The following CDH13 variants were observed in gnomAD, a reference collection of about 807,000 sequenced individuals.
CDH13 encodes cadherin-13.
In CDH13, 24 loss-of-function variants were observed where a neutral mutation model predicts 63.8. That is an observed-to-expected ratio of 0.38 (90% confidence interval 0.27 to 0.53). CDH13 has a LOEUF of 0.53. Among genes scored for constraint, CDH13 ranks in the 20% least tolerant of loss-of-function variants. The pLI, the probability that CDH13 is intolerant of heterozygous loss-of-function variation, is 0.85. For missense variants in CDH13, 1,049 were observed against 903.1 expected (o/e 1.16, Z -2.07); for synonymous variants, 503 against 355.3 (o/e 1.42, Z -4.67).
At chr16:83,240,433 G>T (rs564100115) in intron 5 of CDH13, among the ~76,000 whole-genome samples, 17 of 152,242 alleles carry the variant, frequency 1.1e-4, no homozygotes, top group Non-Finnish European at 1.5e-4. Flanking sequence ...TTCAGTGGAA[G>T]TGAGGAGCCA....
intron 1 of CDH13, among the ~76,000 whole-genome samples, chr16:82,801,925 G>A (rs1011842443): frequency 2.6e-5 from 4 of 152,190 alleles, no homozygotes; most frequent in Admixed American, 1.3e-4. Flanking sequence ...GTGAAGTGAT[G>A]CAGGAAACTA....
chr16:83,436,659 C>T (rs1406396503), intron 6 of CDH13, among the ~76,000 whole-genome samples: 1 of 152,170 alleles, frequency 6.6e-6, no homozygotes, highest in African/African-American at 2.4e-5. Context: ...AATGCCTATG[C>T]AGCCGTGATG....
At chr16:83,384,442 G>A (rs2091632517) in intron 6 of CDH13, among the ~76,000 whole-genome samples, 1 of 152,214 alleles carries the variant, frequency 6.6e-6, no homozygotes, top group South Asian at 2.1e-4. Context: ...GAACAATAGG[G>A]TCAAGGGTTA....
At chr16:83,440,407 G>C (rs2072446052) in intron 6 of CDH13, among the ~76,000 whole-genome samples, 1 of 152,138 alleles carries the variant, frequency 6.6e-6, no homozygotes, top group Non-Finnish European at 1.5e-5. Context: ...CTTCAGCCTT[G>C]TGCCCCCAAC....
intron 7 of CDH13, among the ~76,000 whole-genome samples, chr16:83,502,626 T>C (rs1256282571): frequency 6.6e-6 from 1 of 152,214 alleles, no homozygotes; most frequent in Non-Finnish European, 1.5e-5. Context: ...CAGTAGCTTT[T>C]GACCTTGAAA....
At chr16:83,602,683 GC>G (rs1385401606) in intron 8 of CDH13, 89 bp downstream of exon 8, 66 of 1,347,370 alleles carry the variant, frequency 4.9e-5, no homozygotes, top group Non-Finnish European at 5.5e-5. Flanking sequence ...GCACCTGCTG[GC>G]CCCCCTTTCA....
intron 3 of CDH13, among the ~76,000 whole-genome samples, chr16:83,092,539 A>G (rs115193630): frequency 0.013 from 2,033 of 152,334 alleles, 44 homozygotes; most frequent in African/African-American, 0.046. Context: ...AAAATATTGC[A>G]AATCAATAGA....
At chr16:83,424,652 A>G (rs2071831729) in intron 6 of CDH13, among the ~76,000 whole-genome samples, 1 of 152,252 alleles carries the variant, frequency 6.6e-6, no homozygotes, top group Non-Finnish European at 1.5e-5. Flanking sequence ...ACACATTTTC[A>G]TAAATGGTTT....
At chr16:83,745,501 C>T (rs1555524155) in intron 10 of CDH13, among the ~76,000 whole-genome samples, 2 of 152,174 alleles carry the variant, frequency 1.3e-5, no homozygotes, top group East Asian at 1.9e-4. Context: ...TGGGAACACT[C>T]GGAGGGGCTC....
At chr16:82,688,673 A>T (rs192627312) in intron 1 of CDH13, among the ~76,000 whole-genome samples, 2 of 152,262 alleles carry the variant, frequency 1.3e-5, no homozygotes, top group African/African-American at 2.4e-5. Flanking sequence ...AGAAATAAAG[A>T]TCCGAGGATG....
At chr16:83,751,450 C>A (rs1251400065) in intron 11 of CDH13, among the ~76,000 whole-genome samples, 2 of 152,100 alleles carry the variant, frequency 1.3e-5, no homozygotes, top group East Asian at 3.9e-4. Flanking sequence ...AAATATACCT[C>A]CCCTCCACAA....
intron 8 of CDH13, among the ~76,000 whole-genome samples, chr16:83,646,269 G>C (rs577263438): frequency 5.3e-5 from 8 of 152,266 alleles, no homozygotes; most frequent in African/African-American, 1.9e-4. Context: ...AGCTCATGAC[G>C]GTAACCTACC....
At chr16:83,723,145 G>C (rs79119376) in intron 10 of CDH13, among the ~76,000 whole-genome samples, 2,052 of 152,340 alleles carry the variant, frequency 0.013, 16 homozygotes, top group Non-Finnish European at 0.024. Context: ...CCTGTCTTAG[G>C]ATGCTGATGT....
chr16:82,755,680 T>G (rs777572046), intron 1 of CDH13, among the ~76,000 whole-genome samples: 2 of 152,230 alleles, frequency 1.3e-5, no homozygotes, highest in Non-Finnish European at 2.9e-5. Flanking sequence ...TAATTAAAAC[T>G]GTTAAAATCA....
At chr16:83,347,171 C>T (rs1334062226) in intron 6 of CDH13, among the ~76,000 whole-genome samples, 2 of 152,158 alleles carry the variant, frequency 1.3e-5, no homozygotes, top group East Asian at 1.9e-4. Flanking sequence ...ATGAAGAAGA[C>T]GGTATCCTCT....
intron 5 of CDH13, among the ~76,000 whole-genome samples, chr16:83,280,326 C>A (rs893956960): frequency 6.6e-6 from 1 of 152,158 alleles, no homozygotes; most frequent in Non-Finnish European, 1.5e-5. Context: ...GGAGTAGGTT[C>A]CATCTTGAGA....
At chr16:82,710,319 G>T (rs1179623431) in intron 1 of CDH13, among the ~76,000 whole-genome samples, 2 of 144,592 alleles carry the variant, frequency 1.4e-5, no homozygotes, top group Non-Finnish European at 3.0e-5. Context: ...GGATCATGAG[G>T]TCAGGAGATC....
chr16:83,532,636 C>T (rs150293525), intron 7 of CDH13, among the ~76,000 whole-genome samples: 12 of 152,332 alleles, frequency 7.9e-5, no homozygotes, highest in Admixed American at 3.3e-4. Flanking sequence ...GCTCCACATT[C>T]GCCATGTCAG....
chr16:83,495,597 C>T (rs1242292582), intron 7 of CDH13, among the ~76,000 whole-genome samples: 1 of 152,144 alleles, frequency 6.6e-6, no homozygotes, highest in African/African-American at 2.4e-5. Context: ...CCATAAGAGA[C>T]AGCTTTGCAG....
Sources: gnomAD v4.1 joint callset for allele counts (sites outside exome capture counted in the v4.1 genomes callset) on GRCh38, gnomAD v4.1.1 for gene constraint, MANE v1.5 for transcripts, NCBI Gene and HGNC (gene_info 2026-07-23, HGNC 2026-07-21) for gene names.